PAPOLG: variants seen among roughly 807,000 people sequenced by gnomAD.
PAPOLG encodes the protein poly(A) polymerase gamma.
Under a neutral mutation model 99.0 loss-of-function variants are expected in PAPOLG, and 40 were observed. The ratio of observed to expected loss-of-function variants is 0.40; its 90% CI spans 0.31 to 0.53. The LOEUF is 0.53. Among genes scored for constraint, PAPOLG ranks in the 20% least tolerant of loss-of-function variants. The probability of loss-of-function intolerance (pLI) is 0.41; values close to 1 mark genes in which losing one functional copy is unlikely to be tolerated. For missense variants in PAPOLG, 675 were observed against 884.1 expected, an observed-to-expected ratio of 0.76 and a Z score of 3.00; for synonymous variants, 310 against 299.3, an observed-to-expected ratio of 1.04 and a Z score of -0.37.
At chr2:60,784,598 T>G (rs576586261) in intron 13 of PAPOLG, among the ~76,000 whole-genome samples, 1 of 152,346 alleles carries the variant, frequency 6.6e-6, no homozygotes, top group Non-Finnish European at 1.5e-5. Context: ...GTTTAATCCT[T>G]ATTTCATTGG....
At position 60,798,226 on chromosome 2, in the gene PAPOLG, T is replaced by C. The variant is rs1337675112; in HGVS notation, c.*1066T>C. The C allele has an allele frequency of 6.5e-6, 1 of 152,800 alleles. No homozygotes were observed. Among genetic ancestry groups the C allele is most frequent in the Non-Finnish European group, 1.5e-5 (1 of 68,042 alleles). 9.5% of individuals were successfully genotyped at this position (152,800 alleles called of 1,614,324 possible). A position where few individuals can be genotyped will look rare whatever the true frequency, so the allele number is the denominator to read the frequency against. ...ACATTGTTACCAACCATTAATTGGC[T>C]CAGGACCTTTGTAATTTTTATTTAA... On this transcript the variant is annotated 3_prime_UTR_variant, in exon 22 of 22. Transcript: ENST00000238714.
intron 8 of PAPOLG, among the ~76,000 whole-genome samples, chr2:60,776,887 T>C (rs1671036959): frequency 6.6e-6 from 1 of 152,244 alleles, no homozygotes. Context: ...ATTTGTTGTT[T>C]AGTGTAGCCA....
intron 9 of PAPOLG, 98 bp downstream of exon 9, chr2:60,779,873 T>C: frequency 9.7e-7 from 1 of 1,031,858 alleles, no homozygotes. Context: ...TTTTCTGTTG[T>C]TTTACATTGC....
rs899713838 is a variant in PAPOLG, at chr2:60,787,707, T to C, written c.1396+87T>C. The C allele has an allele frequency of 1.5e-5, 23 of 1,492,654 alleles. 1 individual carries two copies. Among genetic ancestry groups the C allele is most frequent in the Middle Eastern group, 3.4e-4 (2 of 5,854 alleles). The allele number at this position is 1,492,654 out of a possible 1,614,324, so 92.5% of individuals were successfully genotyped here. On this transcript the variant is annotated intron_variant, in intron 15 of 21. Coordinates refer to ENST00000238714, the MANE Select transcript of PAPOLG (RefSeq NM_022894.4). ...CCTACAATCTGGCTGGCTGTACTTA[T>C]TAAAGTTCCACAATTGGTTAAGTGA...
At position 60,794,733 on chromosome 2, in the gene PAPOLG, T is replaced by G; in HGVS notation, c.2013T>G (p.Phe671Leu). The change falls in exon 20 of 22, where the codon TTT (phenylalanine) becomes TTG (leucine). Residue 671 changes from phenylalanine to leucine, a missense_variant. By Grantham distance (22) the Phe-to-Leu change is conservative (BLOSUM62 0). Coordinates refer to ENST00000238714, the MANE Select transcript of PAPOLG (RefSeq NM_022894.4). ...VEKFIRLEST[F>L]KDPRTAEERK... Reference sequence around the variant, plus strand: ...AGTTTATTCGACTTGAATCAACATTTAAGGACCCCCGCACTGCTGAAGAAA... The same window carrying G: ...AGTTTATTCGACTTGAATCAACATTGAAGGACCCCCGCACTGCTGAAGAAA... The G allele has an allele frequency of 6.2e-7, 1 of 1,611,672 alleles. No individual in the cohort carries two copies. The highest frequency in any genetic ancestry group is 1.1e-5 in the South Asian group (1 of 91,012).
At chr2:60,788,018 G>A (rs1671418803) in intron 15 of PAPOLG, among the ~76,000 whole-genome samples, 1 of 151,230 alleles carries the variant, frequency 6.6e-6, no homozygotes, top group South Asian at 2.1e-4. Flanking sequence ...CTCTGGCCTG[G>A]CCCACAGAGT....
chr2:60,791,011 C>T (rs1358182369), intron 15 of PAPOLG, among the ~76,000 whole-genome samples: 1 of 151,898 alleles, frequency 6.6e-6, no homozygotes, highest in Non-Finnish European at 1.5e-5. Flanking sequence ...ATAGCTTGAA[C>T]CCCGGAGGCA....
chr2:60,762,602 A>AT (rs928118053), intron 3 of PAPOLG, among the ~76,000 whole-genome samples: 13 of 149,632 alleles, frequency 8.7e-5, no homozygotes, highest in East Asian at 7.8e-4. Flanking sequence ...TGTCACTGTA[A>AT]TTTTTTTTTT....
At chr2:60,766,279 G>A (rs1216091323) in intron 3 of PAPOLG, among the ~76,000 whole-genome samples, 2 of 151,996 alleles carry the variant, frequency 1.3e-5, no homozygotes, top group Non-Finnish European at 2.9e-5. Flanking sequence ...AAAGCACAGA[G>A]GAAAAAAAAG....
At chr2:60,769,259 T>C (rs1269005230) in intron 5 of PAPOLG, among the ~76,000 whole-genome samples, 1 of 152,206 alleles carries the variant, frequency 6.6e-6, no homozygotes, top group Non-Finnish European at 1.5e-5. Context: ...TTGATACATA[T>C]CAAATGATGA....
intron 6 of PAPOLG, among the ~76,000 whole-genome samples, chr2:60,771,213 A>G (rs1670842483): frequency 6.6e-6 from 1 of 152,196 alleles, no homozygotes. Flanking sequence ...TTCAAGAGGG[A>G]GTGAATGTAA....
intron 3 of PAPOLG, among the ~76,000 whole-genome samples, chr2:60,766,516 A>C (rs1345892036): frequency 6.6e-6 from 1 of 152,060 alleles, no homozygotes; most frequent in African/African-American, 2.4e-5. Context: ...TTATTTAAAA[A>C]TTACCCAGGC....
intron 3 of PAPOLG, among the ~76,000 whole-genome samples, chr2:60,763,864 C>T (rs1356858445): frequency 1.3e-5 from 2 of 151,994 alleles, no homozygotes; most frequent in Non-Finnish European, 2.9e-5. Context: ...AGTGCAGTGG[C>T]GTAATCTTGA....
intron 5 of PAPOLG, 123 bp downstream of exon 5, chr2:60,769,013 G>A (rs1670768233): frequency 1.4e-6 from 1 of 714,718 alleles, no homozygotes; most frequent in East Asian, 2.9e-5. Flanking sequence ...AATAAGAGTA[G>A]CTTTAATAAG....
intron 8 of PAPOLG, among the ~76,000 whole-genome samples, chr2:60,777,993 AG>A (rs1411534045): frequency 6.6e-6 from 1 of 152,236 alleles, no homozygotes; most frequent in African/African-American, 2.4e-5. Flanking sequence ...AATGTGACAC[AG>A]AGACATGAAG....
Position 60,795,013 on chromosome 2 carries a change from G to A in PAPOLG, c.2105G>A (p.Arg702His), listed in dbSNP as rs764703933. ...CCTATTCCAACTATTGATACATCAC[G>A]CAAAAAGGTAACAAGATAGTCTTGT... ...SMPIPTIDTS[R>H]KKRLPSKELP... Residue 702 changes from arginine to histidine, a missense_variant, in exon 21 of 22, where the codon CGC (arginine) becomes CAC (histidine). Arg to His is a conservative substitution (Grantham distance 29). Transcript: ENST00000238714. The A allele has an allele frequency of 1.9e-5, 30 of 1,609,964 alleles. No individual in the cohort carries two copies. The highest frequency in any genetic ancestry group is 1.8e-4 in the South Asian group (16 of 90,896).
chr2:60,761,625 T>G (rs1396366066), intron 2 of PAPOLG, 116 bp from the exon 3 acceptor site: 3 of 828,606 alleles, frequency 3.6e-6, no homozygotes, highest in Admixed American at 5.1e-5. Flanking sequence ...CATTATCACA[T>G]ATATGTTATG....
chr2:60,780,630 C>A, intron 9 of PAPOLG, 77 bp from the exon 10 acceptor site: 2 of 1,437,972 alleles, frequency 1.4e-6, no homozygotes, highest in South Asian at 1.2e-5. Flanking sequence ...AAGGTTAGAA[C>A]AATCTAATAA....
chr2:60,782,817 A>T (rs1558703460), intron 12 of PAPOLG, 47 bp downstream of exon 12: 218 of 1,412,558 alleles, frequency 1.5e-4, no homozygotes, highest in East Asian at 4.6e-4. Flanking sequence ...TTTTTTTTTT[A>T]AAGAAGAATG....
Sources: allele counts gnomAD v4.1 joint callset (sites outside exome capture counted in the v4.1 genomes callset), GRCh38; gene constraint gnomAD v4.1.1; transcripts MANE v1.5; gene names NCBI Gene and HGNC (gene_info 2026-07-23, HGNC 2026-07-21).